The following IPO8 variants were observed in gnomAD, a reference collection of about 807,000 sequenced individuals.
IPO8 encodes the protein importin-8.
In IPO8, 65 loss-of-function variants were observed where a neutral mutation model predicts 141.2. The observed-to-expected ratio is 0.46, with a 90% CI of 0.38 to 0.57. IPO8 has a LOEUF of 0.57. Ranked by LOEUF, IPO8 falls within the 20% of genes least tolerant of loss-of-function variation. IPO8 has a pLI of 0.00. For synonymous variants in IPO8, 411 were observed against 420.3 expected (o/e 0.98, Z 0.27); for missense variants, 980 against 1,246.8 (o/e 0.79, Z 3.22).
Position 30,631,770 on chromosome 12 carries a change from T to C in IPO8, c.3016+125A>G, listed in dbSNP as rs189600029. On this transcript the variant is annotated intron_variant, in intron 24 of 24. Coordinates refer to ENST00000256079, the MANE Select transcript of IPO8 (RefSeq NM_006390.4). ...TCATACAATAATGACAATTCCTTAT[T>C]ATCTTAAAGGGTAAGTCTCTAACAA... 13 of 646,392 alleles carry C rather than the reference T, an allele frequency of 2.0e-5. No homozygotes were observed. In the Admixed American group the frequency reaches 3.2e-4, roughly 16 times the overall value. 40.0% of individuals were successfully genotyped at this position (646,392 alleles called of 1,614,324 possible). A position where few individuals can be genotyped will look rare whatever the true frequency, so the allele number is the denominator to read the frequency against.
In IPO8 at chr12:30,634,302, T is replaced by A. The variant is rs899978927; in HGVS notation, c.2696-16A>T. 1.2e-6 allele frequency: 2 copies of A among 1,602,942 alleles called. No homozygotes were observed. On this transcript the variant is annotated splice_polypyrimidine_tract_variant and intron_variant, in intron 22 of 24. Transcript: ENST00000256079. ...GAAATCTCCTCTGTGAACCCATTAATTATTTAAAAGGAATCAAAACACATA... is the reference window on the plus strand; with the variant it reads ...GAAATCTCCTCTGTGAACCCATTAAATATTTAAAAGGAATCAAAACACATA...
chr12:30,640,011 TCAAA>T (rs1246763547), intron 20 of IPO8, among the ~76,000 whole-genome samples: 2 of 152,212 alleles, frequency 1.3e-5, no homozygotes, highest in Non-Finnish European at 2.9e-5. Flanking sequence ...GAGTCCACGC[TCAAA>T]CAGTGTCAAT....
At chr12:30,669,877 T>C (rs1037529451) in intron 9 of IPO8, among the ~76,000 whole-genome samples, 1 of 152,228 alleles carries the variant, frequency 6.6e-6, no homozygotes, top group Non-Finnish European at 1.5e-5. Context: ...CTCTGTGCAC[T>C]GCTACTAATG....
At chr12:30,676,740 T>G (rs10506070) in intron 5 of IPO8, among the ~76,000 whole-genome samples, 153 bp from the exon 6 acceptor site, 12,023 of 152,240 alleles carry the variant, frequency 0.079, 869 homozygotes, top group Admixed American at 0.25. Flanking sequence ...TAAAACAGAT[T>G]CATACGACCA....
At chr12:30,673,921 C>G (rs1233480688) in intron 8 of IPO8, 69 bp downstream of exon 8, 1 of 890,906 alleles carries the variant, frequency 1.1e-6, no homozygotes, top group Admixed American at 2.0e-5. Context: ...TAACCTACTT[C>G]CAGTAGACAG....
At chr12:30,631,841 T>C (rs1299683284) in intron 24 of IPO8, 54 bp downstream of exon 24, 1 of 1,167,236 alleles carries the variant, frequency 8.6e-7, no homozygotes, top group Admixed American at 1.9e-5. Flanking sequence ...CAAATAAGGC[T>C]GTCTGTTGGC....
chr12:30,663,766 G>T (rs183411217), intron 13 of IPO8, 112 bp from the exon 14 acceptor site: 8 of 823,216 alleles, frequency 9.7e-6, no homozygotes, highest in Non-Finnish European at 1.4e-5. Context: ...AGAAATGTTT[G>T]CTTTTGGGGT....
At position 30,630,347 on chromosome 12, in the gene IPO8, G is replaced by A. The variant is rs1468882050; in HGVS notation, c.*513C>T. On this transcript the variant is annotated 3_prime_UTR_variant, in exon 25 of 25. Transcript: ENST00000256079. ...GAAGATTTTGAAACCAGAGTGACTT[G>A]CAGTAACTGCCTAACAATAAATTCA... 1 of 152,236 alleles carries A rather than the reference G, an allele frequency of 6.6e-6. No homozygotes were observed. The highest frequency in any genetic ancestry group is 2.4e-5 in the African/African-American group (1 of 41,428). 9.4% of individuals were successfully genotyped at this position (152,236 alleles called of 1,614,324 possible).
At chr12:30,683,414 C>T (rs2053208903) in intron 3 of IPO8, among the ~76,000 whole-genome samples, 1 of 152,128 alleles carries the variant, frequency 6.6e-6, no homozygotes, top group Non-Finnish European at 1.5e-5. Context: ...TAAGGGCTAA[C>T]GTTATATTCA....
At chr12:30,659,323 C>G (rs540585386) in intron 16 of IPO8, among the ~76,000 whole-genome samples, 3 of 152,164 alleles carry the variant, frequency 2.0e-5, no homozygotes, top group Admixed American at 6.5e-5. Context: ...AACCCCTTCT[C>G]CACTAATAAT....
chr12:30,642,078 C>A (rs1045309013), intron 20 of IPO8, among the ~76,000 whole-genome samples: 1 of 152,014 alleles, frequency 6.6e-6, no homozygotes, highest in Non-Finnish European at 1.5e-5. Flanking sequence ...TGCCTGTAAT[C>A]CCAGCTACTC....
intron 3 of IPO8, among the ~76,000 whole-genome samples, 183 bp downstream of exon 3, chr12:30,684,116 CTT>C (rs2053216002): frequency 6.6e-6 from 1 of 152,094 alleles, no homozygotes; most frequent in Non-Finnish European, 1.5e-5. Context: ...TCCAAAATAT[CTT>C]GAGGCAAAGA....
chr12:30,667,718 AT>A (rs1403393798), intron 10 of IPO8, among the ~76,000 whole-genome samples: 2 of 152,218 alleles, frequency 1.3e-5, no homozygotes, highest in African/African-American at 4.8e-5. Flanking sequence ...TAAAATGTAA[AT>A]TCCCACTGTT....
rs113315970 is a variant in IPO8 at position 30,683,415 on chromosome 12, G to A, written c.323+886C>T. ...TGGCTATTAGATACTAAGGGCTAAC[G>A]TTATATTCAACCTCTTGATATTAAA... On this transcript the variant is annotated intron_variant, in intron 3 of 24. Coordinates refer to ENST00000256079, the MANE Select transcript of IPO8 (RefSeq NM_006390.4). Among the ~76,000 whole-genome samples, 952 of 152,120 alleles carry A rather than the reference G, an allele frequency of 6.3e-3. 10 individuals carry two copies. Among genetic ancestry groups the A allele is most frequent in the African/African-American group, 0.022 (913 of 41,510 alleles).
intron 6 of IPO8, among the ~76,000 whole-genome samples, chr12:30,675,235 T>C (rs9651844): frequency 0.23 from 34,816 of 152,176 alleles, 4,225 homozygotes; most frequent in Middle Eastern, 0.31. Context: ...ACTAATGTGA[T>C]AAATTAAAGA....
In IPO8 at chr12:30,661,126, A is replaced by G. The variant is rs556006480; in HGVS notation, c.1881+15T>C. On this transcript the variant is annotated intron_variant, in intron 16 of 24. Coordinates refer to ENST00000256079, the MANE Select transcript of IPO8 (RefSeq NM_006390.4). ...AAATGCTACTATTATATCATAAACC[A>G]CAAAGAAATCTCACCTCTTTATGAT... is the stretch of plus-strand genomic sequence containing the variant. 2.3e-5 allele frequency: 34 copies of G among 1,492,884 alleles called. No individual in the cohort carries two copies. In the East Asian group the frequency reaches 6.7e-4, roughly 29 times the overall value. The allele number at this position is 1,492,884 out of a possible 1,614,324, so 92.5% of individuals were successfully genotyped here.
rs370134813 is a variant in IPO8 at position 30,665,801 on chromosome 12, G to T, written c.1266C>A (p.Asp422Glu). The T allele has an allele frequency of 6.2e-7, 1 of 1,613,690 alleles. No individual in the cohort carries two copies. Among genetic ancestry groups the T allele is most frequent in the Non-Finnish European group, 8.5e-7 (1 of 1,179,796 alleles). The change falls in exon 12 of 25, where the codon GAC (aspartate) becomes GAA (glutamate). Residue 422 changes from aspartate (D) to glutamate (E), a missense_variant. Transcript: ENST00000256079. ...CTTTCTTCCTAGGGTCAAAGTTCGG[G>T]TCTGTCAGGATTTGATAACAGAATG... ...MMAFCYQILT[D>E]PNFDPRKKDG...
chr12:30,631,532 T>A (rs2052432511), intron 24 of IPO8: 1 of 175,726 alleles, frequency 5.7e-6, no homozygotes, highest in African/African-American at 2.4e-5. Context: ...ACAAGCTCCT[T>A]GCAAGAATTC....
Position 30,654,679 on chromosome 12 carries a change from G to A in IPO8, c.1949-1587C>T, listed in dbSNP as rs538296005. Among the ~76,000 whole-genome samples the A allele has an allele frequency of 3.4e-4, 52 of 152,024 alleles. No homozygotes were observed. In the South Asian group the frequency reaches 3.9e-3, roughly 12 times the overall value. On this transcript the variant is annotated intron_variant, in intron 17 of 24. Coordinates refer to ENST00000256079, the MANE Select transcript of IPO8 (RefSeq NM_006390.4). ...AAAACCACATCATATCTACGAGAATGTCTATTATCAAAAAGACGAAAGTTA... is the reference window on the plus strand; with the variant it reads ...AAAACCACATCATATCTACGAGAATATCTATTATCAAAAAGACGAAAGTTA...
Sources: allele counts gnomAD v4.1 joint callset (sites outside exome capture counted in the v4.1 genomes callset), GRCh38; gene constraint gnomAD v4.1.1; transcripts MANE v1.5; gene names NCBI Gene and HGNC (gene_info 2026-07-23, HGNC 2026-07-21).